SMAD9: variants seen among roughly 807,000 people sequenced by gnomAD.
SMAD9 encodes the protein MAD homolog 9.
SMAD9 carries 36 observed loss-of-function variants against 46.1 expected under a neutral mutation model. That is an observed-to-expected ratio of 0.78 (90% CI 0.60 to 1.03). SMAD9 has a LOEUF of 1.03. Among genes scored for constraint, SMAD9 ranks in the 50% least tolerant of loss-of-function variants. The pLI, the probability that SMAD9 is intolerant of heterozygous loss-of-function variation, is 0.00. For missense variants in SMAD9, 572 were observed against 599.8 expected (o/e 0.95, Z 0.48); for synonymous variants, 245 against 237.1 (o/e 1.03, Z -0.31).
At chr13:36,874,823 A>C (rs919321395) in intron 2 of SMAD9, among the ~76,000 whole-genome samples, 68 of 135,932 alleles carry the variant, frequency 5.0e-4, no homozygotes, top group African/African-American at 1.8e-3. Flanking sequence ...GCACCACTGC[A>C]CTCCAGCCTG....
At chr13:36,865,432 A>C in intron 5 of SMAD9, 105 bp downstream of exon 5, 4 of 914,698 alleles carry the variant, frequency 4.4e-6, no homozygotes, top group Non-Finnish European at 3.6e-6. Flanking sequence ...GGGTCCTTCC[A>C]CAGGGGCACA....
At chr13:36,864,435 C>G (rs563745368) in intron 5 of SMAD9, among the ~76,000 whole-genome samples, 2 of 152,302 alleles carry the variant, frequency 1.3e-5, no homozygotes, top group East Asian at 3.9e-4. Context: ...AAGTACTAAC[C>G]AGGCCCGACC....
intron 1 of SMAD9, among the ~76,000 whole-genome samples, chr13:36,896,253 CT>C (rs2058527860): frequency 1.3e-5 from 2 of 152,214 alleles, no homozygotes; most frequent in Admixed American, 1.3e-4. Flanking sequence ...CCACCTCAGC[CT>C]CCCGAGTAGC....
At chr13:36,920,283 A>G (rs1033774997), upstream of SMAD9, 4 of 147,690 alleles carry the variant, frequency 2.7e-5, no homozygotes, top group Non-Finnish European at 6.0e-5. Context: ...CCGACCTGGA[A>G]AGCGGCCAGG....
intron 5 of SMAD9, 147 bp downstream of exon 5, chr13:36,865,390 T>C (rs2058222372): frequency 1.0e-5 from 7 of 695,174 alleles, no homozygotes; most frequent in Non-Finnish European, 1.6e-5. Flanking sequence ...CCAGTGGTAA[T>C]GTCAGAGCTA....
Position 36,845,013 on chromosome 13 carries a change from T to A in SMAD9, c.*3663A>T, listed in dbSNP as rs2058029619. On this transcript the variant is annotated 3_prime_UTR_variant, in exon 7 of 7. Coordinates refer to ENST00000379826, the MANE Select transcript of SMAD9 (RefSeq NM_001127217.3). ...AACATATGCTAGGATCACCTAAACTTGTCATACAGTTCTGCTATTAAAATC... is the reference window on the plus strand; with the variant it reads ...AACATATGCTAGGATCACCTAAACTAGTCATACAGTTCTGCTATTAAAATC... 1 of 152,128 alleles carries A rather than the reference T, an allele frequency of 6.6e-6. No homozygotes were observed. Among genetic ancestry groups the A allele is most frequent in the African/African-American group, 2.4e-5 (1 of 41,426 alleles). 9.4% of individuals were successfully genotyped at this position (152,128 alleles called of 1,614,324 possible).
chr13:36,853,927 C>T (rs991636851), intron 5 of SMAD9, among the ~76,000 whole-genome samples: 9 of 152,116 alleles, frequency 5.9e-5, no homozygotes, highest in Admixed American at 2.6e-4. Context: ...GGAAGCCCGA[C>T]GTGGGCAGAT....
chr13:36,877,108 A>C (rs145364977), intron 2 of SMAD9, among the ~76,000 whole-genome samples: 370 of 152,320 alleles, frequency 2.4e-3, no homozygotes, highest in Non-Finnish European at 4.3e-3. Flanking sequence ...TCATGCCTGT[A>C]ATCCCAGCAC....
At chr13:36,858,554 A>G (rs973767653) in intron 5 of SMAD9, among the ~76,000 whole-genome samples, 1 of 152,174 alleles carries the variant, frequency 6.6e-6, no homozygotes, top group Admixed American at 6.5e-5. Context: ...ACTACACGGC[A>G]TGTCCCATAC....
chr13:36,894,715 T>C, intron 1 of SMAD9, among the ~76,000 whole-genome samples: 1 of 152,140 alleles, frequency 6.6e-6, no homozygotes, highest in East Asian at 1.9e-4. Context: ...CGATGCTTTG[T>C]ACTTATCATA....
At chr13:36,856,485 G>A (rs1267244003) in intron 5 of SMAD9, among the ~76,000 whole-genome samples, 2 of 152,194 alleles carry the variant, frequency 1.3e-5, no homozygotes, top group Non-Finnish European at 1.5e-5. Context: ...AGAGAGAAGA[G>A]CAGAGCCAAT....
intron 3 of SMAD9, among the ~76,000 whole-genome samples, chr13:36,870,382 T>G (rs751423942): frequency 6.6e-6 from 1 of 152,158 alleles, no homozygotes; most frequent in Admixed American, 6.5e-5. Context: ...CTTGCAAAAC[T>G]TCAACCATCT....
At chr13:36,899,051 G>A (rs776652531) in intron 1 of SMAD9, among the ~76,000 whole-genome samples, 344 of 152,150 alleles carry the variant, frequency 2.3e-3, no homozygotes, top group Non-Finnish European at 4.0e-3. Flanking sequence ...TGAAAAAACT[G>A]TTGAAACTAA....
At chr13:36,908,095 T>C (rs1250603949) in intron 1 of SMAD9, among the ~76,000 whole-genome samples, 1 of 152,238 alleles carries the variant, frequency 6.6e-6, no homozygotes, top group African/African-American at 2.4e-5. Context: ...TTTTCTCTGA[T>C]GGTGGTGGTT....
chr13:36,883,607 T>C (rs1025312461), intron 1 of SMAD9, among the ~76,000 whole-genome samples: 3 of 151,990 alleles, frequency 2.0e-5, no homozygotes, highest in South Asian at 4.1e-4. Flanking sequence ...AAAAGTTAAT[T>C]GGGCGTGGTG....
rs373311612 is a variant in SMAD9, at chr13:36,869,688, G to A, written c.671-2305C>T. On this transcript the variant is annotated intron_variant, in intron 3 of 6. Coordinates refer to ENST00000379826, the MANE Select transcript of SMAD9 (RefSeq NM_001127217.3). Reference sequence around the variant, plus strand: ...TACTAAATACAAAAAAATTAGCCGGGTGTGGTGGCACATGTCTGTAATCCG... The same window carrying A: ...TACTAAATACAAAAAAATTAGCCGGATGTGGTGGCACATGTCTGTAATCCG... Among the ~76,000 whole-genome samples the A allele has an allele frequency of 4.6e-4, 70 of 152,228 alleles. 1 individual carries two copies. The East Asian group carries it at 9.2e-3, about 20-fold the overall frequency.
rs941635659 is a variant in SMAD9, at chr13:36,867,241, T to C, written c.781+32A>G. 7.4e-6 allele frequency: 10 copies of C among 1,360,194 alleles called. No individual in the cohort carries two copies. In the African/African-American group the frequency reaches 8.7e-5, roughly 12 times the overall value. 84.3% of individuals were successfully genotyped at this position (1,360,194 alleles called of 1,614,324 possible). ...GGTAATAGGAAATACTTTTGGAAAATAGCTACATTTCACTGTTCATCTGCA... is the reference window on the plus strand; with the variant it reads ...GGTAATAGGAAATACTTTTGGAAAACAGCTACATTTCACTGTTCATCTGCA... On this transcript the variant is annotated intron_variant, in intron 4 of 6. Coordinates refer to ENST00000379826, the MANE Select transcript of SMAD9 (RefSeq NM_001127217.3).
intron 6 of SMAD9, among the ~76,000 whole-genome samples, chr13:36,851,170 T>C (rs928002361): frequency 5.3e-5 from 8 of 152,334 alleles, no homozygotes; most frequent in African/African-American, 1.9e-4. Flanking sequence ...CAGTCACCGC[T>C]GAACTCGTAG....
intron 1 of SMAD9, among the ~76,000 whole-genome samples, chr13:36,899,135 A>G (rs2058553433): frequency 6.6e-6 from 1 of 152,216 alleles, no homozygotes; most frequent in Non-Finnish European, 1.5e-5. Context: ...CCAGCAGAAA[A>G]CAAATGGAAA....
Sources: allele counts gnomAD v4.1 joint callset (sites outside exome capture counted in the v4.1 genomes callset), GRCh38; gene constraint gnomAD v4.1.1; transcripts MANE v1.5; gene names NCBI Gene and HGNC (gene_info 2026-07-23, HGNC 2026-07-21).